Variants in JADE3 observed in about 807,000 individuals in gnomAD.
The protein encoded by JADE3 is protein Jade-3.
JADE3 carries 2 observed loss-of-function variants against 50.1 expected under a neutral mutation model. The observed-to-expected ratio is 0.04, with a 90% CI of 0.02 to 0.13. The LOEUF (loss-of-function observed/expected upper bound fraction) is 0.13. Among genes scored for constraint, JADE3 ranks in the 10% least tolerant of loss-of-function variants. The pLI is 1.00. For missense variants in JADE3, 475 were observed against 634.4 expected, an observed-to-expected ratio of 0.75 and a Z score of 2.70; for synonymous variants, 218 against 232.9, an observed-to-expected ratio of 0.94 and a Z score of 0.58.
intron 1 of JADE3, among the ~76,000 whole-genome samples, chrX:46,922,547 G>A (rs1025952386): frequency 2.8e-5 from 3 of 108,633 alleles, no homozygotes; most frequent in South Asian, 3.9e-4. Context: ...ATTTTCATTC[G>A]TCTCTTTTTA....
chrX:47,051,285 TA>T (rs1226136411), intron 8 of JADE3, among the ~76,000 whole-genome samples: 1 of 112,525 alleles, frequency 8.9e-6, no homozygotes, highest in Non-Finnish European at 1.9e-5. Context: ...TATGCCCCTT[TA>T]AAACTTTGAC....
chrX:46,950,705 G>T (rs1203599430), intron 1 of JADE3, among the ~76,000 whole-genome samples: 1 of 111,904 alleles, frequency 8.9e-6, no homozygotes, highest in East Asian at 2.8e-4. Flanking sequence ...ATTTTTTAAA[G>T]AAACTGCCAG....
intron 7 of JADE3, 75 bp downstream of exon 7, chrX:47,033,863 A>C: frequency 3.4e-6 from 3 of 881,534 alleles, no homozygotes; most frequent in Non-Finnish European, 4.7e-6. Flanking sequence ...AGACTGACTC[A>C]GGCTCAGTAT....
At chrX:47,031,958 G>T (rs1556366821) in intron 6 of JADE3, among the ~76,000 whole-genome samples, 1 of 111,741 alleles carries the variant, frequency 8.9e-6, no homozygotes, top group African/African-American at 3.3e-5. Flanking sequence ...GTCAGGCAGT[G>T]GGACAAACGC....
chrX:47,027,990 G>A lies in JADE3; in HGVS notation c.574G>A (p.Gly192Arg). Residue 192 changes from glycine to arginine, a missense_variant, in exon 6 of 11, where the codon GGG becomes AGG. Gly to Arg is a moderately radical substitution (Grantham distance 125). Transcript: ENST00000614628. ...NMNHAIETEE[G>R]LGIEYDEDVI... ...GAACCATGCTATTGAGACAGAGGAA[G>A]GGCTAGGCATAGAGTATGATGAAGA... 2.5e-6 allele frequency: 3 copies of A among 1,207,739 alleles called. No homozygotes were observed. Among genetic ancestry groups the A allele is most frequent in the Non-Finnish European group, 3.4e-6 (3 of 891,988 alleles).
At chrX:47,026,074 T>C (rs1556365464) in intron 5 of JADE3, among the ~76,000 whole-genome samples, 1 of 111,066 alleles carries the variant, frequency 9.0e-6, no homozygotes, top group Non-Finnish European at 1.9e-5. Context: ...GAGTGGTAAA[T>C]TTAGGGTGGC....
chrX:46,934,767 A>G lies in JADE3; in HGVS notation c.-12+22048A>G, dbSNP rs548833782. The stretch of plus-strand genomic sequence containing the variant: ...ATGTTTATAAGAAAAACTTGCTTAT[A>G]AAAGTTTTATAATTTTACATTTATG... On this transcript the variant is annotated intron_variant, in intron 1 of 10. Coordinates refer to ENST00000614628, the MANE Select transcript of JADE3 (RefSeq NM_014735.5). Among the ~76,000 whole-genome samples the G allele has an allele frequency of 2.7e-4, 30 of 111,722 alleles. 2 individuals carry two copies. In the South Asian group the frequency reaches 0.011, roughly 40 times the overall value.
rs946508972 is a variant in JADE3 at position 47,060,007 on chromosome X, A to C, written c.*930A>C. 1 of 112,560 alleles carries C rather than the reference A, an allele frequency of 8.9e-6. No individual in the cohort carries two copies. The highest frequency in any genetic ancestry group is 3.2e-5 in the African/African-American group (1 of 30,952). The allele number at this position is 112,560 out of a possible 1,213,427, so 9.3% of individuals were successfully genotyped here. The stretch of plus-strand genomic sequence containing the variant: ...ATAATTAAAATATAGTAAAATGCAC[A>C]GAGGTTAAGTATTCTTACCTGCTTT... On this transcript the variant is annotated 3_prime_UTR_variant, in exon 11 of 11. Coordinates refer to ENST00000614628, the MANE Select transcript of JADE3 (RefSeq NM_014735.5).
intron 6 of JADE3, among the ~76,000 whole-genome samples, chrX:47,032,841 C>G (rs1250566498): frequency 9.0e-6 from 1 of 111,170 alleles, no homozygotes; most frequent in Non-Finnish European, 1.9e-5. Flanking sequence ...CTGAGGCAGA[C>G]AGAAATTTTG....
chrX:46,996,564 G>T (rs782310259), intron 3 of JADE3, among the ~76,000 whole-genome samples: 1 of 111,974 alleles, frequency 8.9e-6, no homozygotes, highest in Non-Finnish European at 1.9e-5. Context: ...TGCTCCCTCC[G>T]TAGGTTTTAA....
At chrX:46,973,879 G>A (rs1263662212) in intron 1 of JADE3, among the ~76,000 whole-genome samples, 2 of 111,102 alleles carry the variant, frequency 1.8e-5, no homozygotes, top group African/African-American at 6.6e-5. Flanking sequence ...TCAGGAGTTC[G>A]AGACCAGCCT....
Position 47,033,831 on chromosome X carries a change from G to A in JADE3, c.855+43G>A, listed in dbSNP as rs1177450164. ...CCCGTGAGACCATTTGCTCCAGGGTGTCCCTGTTCCCCACAGCATTCAGAC... is the reference window on the plus strand; with the variant it reads ...CCCGTGAGACCATTTGCTCCAGGGTATCCCTGTTCCCCACAGCATTCAGAC... On this transcript the variant is annotated intron_variant, in intron 7 of 10. Transcript: ENST00000614628. 8.5e-6 allele frequency: 9 copies of A among 1,053,365 alleles called. No individual in the cohort carries two copies. The Admixed American group carries it at 9.0e-5, about 11-fold the overall frequency. 86.8% of individuals were successfully genotyped at this position (1,053,365 alleles called of 1,213,427 possible).
At chrX:46,917,849 CTCTCTCAT>C (rs1926130663) in intron 1 of JADE3, among the ~76,000 whole-genome samples, 7 of 89,239 alleles carry the variant, frequency 7.8e-5, no homozygotes, top group Non-Finnish European at 8.9e-5. Context: ...CTCTCTCTCT[CTCTCTCAT>C]CCTCTCTCTC....
At chrX:46,976,255 A>G (rs1162044504) in intron 1 of JADE3, among the ~76,000 whole-genome samples, 1 of 111,534 alleles carries the variant, frequency 9.0e-6, no homozygotes, top group Non-Finnish European at 1.9e-5. Flanking sequence ...CTTGGCCTGC[A>G]TGTTCTTCCG....
intron 1 of JADE3, among the ~76,000 whole-genome samples, chrX:46,928,675 C>T (rs940895977): frequency 3.6e-5 from 4 of 112,171 alleles, no homozygotes; most frequent in African/African-American, 1.3e-4. Flanking sequence ...CCTTGAACTT[C>T]TGGGCTCAAG....
In JADE3 at chrX:47,041,939, G is replaced by A. The variant is rs184689774; in HGVS notation, c.972+2874G>A. ...CTCGCCTTGGCCTCCCAAAGTGCTG[G>A]GATTACAGGCATGAGCCACCACACC... On this transcript the variant is annotated intron_variant, in intron 8 of 10. Transcript: ENST00000614628. 4.6e-3 allele frequency among the ~76,000 whole-genome samples: 509 copies of A among 111,598 alleles called. 2 individuals carry two copies. The highest frequency in any genetic ancestry group is 0.016 in the African/African-American group (491 of 30,730).
chrX:47,018,581 G>A (rs1221381497), intron 4 of JADE3, among the ~76,000 whole-genome samples: 18 of 111,672 alleles, frequency 1.6e-4, no homozygotes, highest in African/African-American at 4.9e-4. Flanking sequence ...TGATCCACCC[G>A]CCTCGGCCTC....
intron 8 of JADE3, among the ~76,000 whole-genome samples, chrX:47,040,846 A>G (rs1202804621): frequency 9.0e-6 from 1 of 111,385 alleles, no homozygotes; most frequent in East Asian, 2.8e-4. Flanking sequence ...TATTCTTCCA[A>G]GGAACCCAGG....
chrX:47,034,559 T>C (rs1929091797), intron 7 of JADE3, among the ~76,000 whole-genome samples: 1 of 111,351 alleles, frequency 9.0e-6, no homozygotes, highest in South Asian at 3.8e-4. Flanking sequence ...GCAGTAACTC[T>C]TTGTCTACTG....
Sources: allele counts gnomAD v4.1 joint callset (sites outside exome capture counted in the v4.1 genomes callset), GRCh38; gene constraint gnomAD v4.1.1; transcripts MANE v1.5; gene names NCBI Gene and HGNC (gene_info 2026-07-23, HGNC 2026-07-21).